CSMD1: variants seen among roughly 807,000 people sequenced by gnomAD.
The protein encoded by CSMD1 is CUB and sushi domain-containing protein 1.
CSMD1 carries 213 observed loss-of-function variants against 417.5 expected under a neutral mutation model. The ratio of observed to expected loss-of-function variants is 0.51; its 90% confidence interval spans 0.46 to 0.57. The LOEUF (loss-of-function observed/expected upper bound fraction) is 0.57. Ranked by LOEUF, CSMD1 falls within the 20% of genes least tolerant of loss-of-function variation. The pLI, the probability that CSMD1 is intolerant of heterozygous loss-of-function variation, is 0.00. For synonymous variants in CSMD1, 2,862 were observed against 1,736.8 expected (o/e 1.65, Z -16.11); for missense variants, 6,923 against 4,529.7 (o/e 1.53, Z -15.17).
At chr8:3,428,043 G>C (rs554597335) in intron 12 of CSMD1, among the ~76,000 whole-genome samples, 1 of 152,114 alleles carries the variant, frequency 6.6e-6, no homozygotes, top group Non-Finnish European at 1.5e-5. Flanking sequence ...TATCTGCTTC[G>C]TTGCGTCTAC....
At chr8:4,386,646 C>G (rs900151598) in intron 3 of CSMD1, among the ~76,000 whole-genome samples, 4 of 152,208 alleles carry the variant, frequency 2.6e-5, no homozygotes, top group Non-Finnish European at 5.9e-5. Flanking sequence ...TGGGAGTTAT[C>G]TCAGCCTTTC....
At chr8:4,313,043 A>C (rs13273923) in intron 3 of CSMD1, among the ~76,000 whole-genome samples, 13,242 of 152,190 alleles carry the variant, frequency 0.087, 809 homozygotes, top group Non-Finnish European at 0.12. Flanking sequence ...ATTTCTATAG[A>C]ATAAACTACA....
At chr8:4,864,899 C>CACACAA (rs1554505488) in intron 1 of CSMD1, among the ~76,000 whole-genome samples, 171 of 149,084 alleles carry the variant, frequency 1.1e-3, no homozygotes, top group East Asian at 2.1e-3. Flanking sequence ...CACACACAAA[C>CACACAA]ACACACACAC....
chr8:4,678,965 TAA>T (rs1309645062), intron 1 of CSMD1, among the ~76,000 whole-genome samples: 7 of 152,304 alleles, frequency 4.6e-5, no homozygotes, highest in East Asian at 1.9e-4. Flanking sequence ...CCAGCTATGC[TAA>T]GAGTTGTGTG....
chr8:3,230,343 T>C (rs1798761038), intron 26 of CSMD1, 112 bp from the exon 27 acceptor site: 1 of 748,496 alleles, frequency 1.3e-6, no homozygotes, highest in Non-Finnish European at 2.1e-6. Flanking sequence ...TAATAAGTCA[T>C]TTGTCTACAC....
chr8:3,513,751 G>C (rs902038841), intron 10 of CSMD1, among the ~76,000 whole-genome samples: 1 of 152,186 alleles, frequency 6.6e-6, no homozygotes, highest in African/African-American at 2.4e-5. Flanking sequence ...TAATAGGTCA[G>C]CTGCAGAGTG....
At chr8:4,254,191 G>T (rs1585104211) in intron 3 of CSMD1, among the ~76,000 whole-genome samples, 1 of 151,954 alleles carries the variant, frequency 6.6e-6, no homozygotes, top group Non-Finnish European at 1.5e-5. Flanking sequence ...TGATGGGACT[G>T]CAGGTGTGAG....
intron 23 of CSMD1, among the ~76,000 whole-genome samples, chr8:3,339,474 C>A (rs986686049): frequency 6.6e-6 from 1 of 152,148 alleles, no homozygotes; most frequent in African/African-American, 2.4e-5. Flanking sequence ...ATTCTGGTTC[C>A]ATCGGTGTAC....
At chr8:4,713,757 G>T (rs1380191957) in intron 1 of CSMD1, among the ~76,000 whole-genome samples, 2 of 152,162 alleles carry the variant, frequency 1.3e-5, no homozygotes, top group Admixed American at 6.5e-5. Context: ...TCCACGGACA[G>T]GTAAGTTCTG....
chr8:3,980,340 G>A lies in CSMD1; in HGVS notation c.818+17563C>T, dbSNP rs149271335. Among the ~76,000 whole-genome samples the A allele has an allele frequency of 3.4e-3, 523 of 151,886 alleles. 1 individual carries two copies. The highest frequency in any genetic ancestry group is 0.011 in the African/African-American group (468 of 41,412). On this transcript the variant is annotated intron_variant, in intron 5 of 69. Transcript: ENST00000635120. ...AATATGCGTCCGGAAGCAGTTCTGA[G>A]ATAATCCTGAATTTCAGCTTTAACG... is the stretch of plus-strand genomic sequence containing the variant.
intron 2 of CSMD1, among the ~76,000 whole-genome samples, chr8:4,446,953 T>A (rs1427794240): frequency 6.7e-6 from 1 of 148,240 alleles, no homozygotes; most frequent in Non-Finnish European, 1.5e-5. Context: ...AAAAAAAACA[T>A]TGGCCCTACA....
At chr8:3,340,623 G>C (rs1199141843) in intron 23 of CSMD1, among the ~76,000 whole-genome samples, 1 of 152,160 alleles carries the variant, frequency 6.6e-6, no homozygotes, top group East Asian at 1.9e-4. Context: ...TCATTTCTGA[G>C]ACATCTTTTT....
At chr8:4,707,964 T>G (rs556712992) in intron 1 of CSMD1, among the ~76,000 whole-genome samples, 2 of 149,172 alleles carry the variant, frequency 1.3e-5, no homozygotes, top group African/African-American at 4.9e-5. Context: ...TTATTGTTTT[T>G]AAGACACATC....
In CSMD1 at chr8:2,965,865, T is replaced by G. The variant is rs1205354921; in HGVS notation, c.9190A>C (p.Asn3064His). The change falls in exon 59 of 70, where the codon AAC (asparagine) becomes CAC (histidine). Residue 3064 changes from asparagine to histidine, a missense_variant. Transcript: ENST00000635120. ...ACTGCTTCCATGACATAGCCTGGGT[T>G]ACACTGATAGCTCACAGTCTTGTTG... ...TFNKTVSYQCNPGYVMEAVTS... is the reference protein window; with the variant it reads ...TFNKTVSYQCHPGYVMEAVTS... 3 of 1,610,200 alleles carry G rather than the reference T, an allele frequency of 1.9e-6. No homozygotes were observed. The highest frequency in any genetic ancestry group is 1.7e-4 in the Middle Eastern group (1 of 6,054).
At chr8:4,515,885 C>A (rs1803089192) in intron 2 of CSMD1, among the ~76,000 whole-genome samples, 1 of 152,172 alleles carries the variant, frequency 6.6e-6, no homozygotes, top group Admixed American at 6.5e-5. Flanking sequence ...AAATTTTACA[C>A]ATCCAATTAT....
At chr8:3,231,072 C>T (rs1798808419) in intron 26 of CSMD1, among the ~76,000 whole-genome samples, 1 of 152,112 alleles carries the variant, frequency 6.6e-6, no homozygotes. Context: ...TCACAGAAGG[C>T]TACCGCAAGC....
At chr8:4,858,215 A>T (rs7832458) in intron 1 of CSMD1, among the ~76,000 whole-genome samples, 1 of 144,768 alleles carries the variant, frequency 6.9e-6, no homozygotes, top group Non-Finnish European at 1.5e-5. Flanking sequence ...AATTCAACAA[A>T]CCTTCATGCT....
intron 3 of CSMD1, among the ~76,000 whole-genome samples, chr8:4,278,806 AT>A (rs1221944345): frequency 2.0e-5 from 3 of 152,216 alleles, no homozygotes; most frequent in African/African-American, 7.2e-5. Flanking sequence ...ATTTGTGTTT[AT>A]AAATTTGGCT....
At chr8:4,807,231 C>T (rs768225184) in intron 1 of CSMD1, among the ~76,000 whole-genome samples, 69 of 152,242 alleles carry the variant, frequency 4.5e-4, no homozygotes, top group Non-Finnish European at 7.8e-4. Context: ...CCCGGGGGTT[C>T]GGCAGCTTCT....
Sources: allele counts gnomAD v4.1 joint callset (sites outside exome capture counted in the v4.1 genomes callset), GRCh38; gene constraint gnomAD v4.1.1; transcripts MANE v1.5; gene names NCBI Gene and HGNC (gene_info 2026-07-23, HGNC 2026-07-21).